Variants in INTS2 observed in about 807,000 individuals in gnomAD.
INTS2 encodes the protein integrator complex subunit 2.
A neutral mutation model predicts 139.6 loss-of-function variants in INTS2; 57 were observed. The observed-to-expected ratio is 0.41, with a 90% CI of 0.33 to 0.51. The LOEUF is 0.51. INTS2 is among the 20% of genes least tolerant of loss of function. The pLI, the probability that INTS2 is intolerant of heterozygous loss-of-function variation, is 0.28. For missense variants in INTS2, 1,196 were observed against 1,436.7 expected, an observed-to-expected ratio of 0.83 and a Z score of 2.71; for synonymous variants, 473 against 493.4, an observed-to-expected ratio of 0.96 and a Z score of 0.55.
intron 17 of INTS2, among the ~76,000 whole-genome samples, chr17:61,879,021 A>AT (rs984925617): frequency 5.7e-4 from 38 of 66,434 alleles, no homozygotes; most frequent in African/African-American, 1.2e-3. Flanking sequence ...TTTTTAATTT[A>AT]TTTTTTTTCA....
chr17:61,897,434 T>TC lies in INTS2; in HGVS notation c.1494+34_1494+35insG. Reference sequence around the variant, plus strand: ...ACAAAATGTCCAGCTTAGAAACACCTTTTTTTTTTTAGAAAGAAGTTAAAA... The same window carrying TC: ...ACAAAATGTCCAGCTTAGAAACACCTCTTTTTTTTTTAGAAAGAAGTTAAAA... On this transcript the variant is annotated intron_variant, in intron 11 of 24. Transcript: ENST00000251334. The surrounding 1 kb of genome is among the most constrained non-coding windows in gnomAD (Gnocchi z 4.4). The TC allele has an allele frequency of 1.9e-6, 1 of 538,474 alleles. No homozygotes were observed. Among genetic ancestry groups the TC allele is most frequent in the Non-Finnish European group, 2.7e-6 (1 of 370,142 alleles). 33.4% of individuals were successfully genotyped at this position (538,474 alleles called of 1,614,324 possible). A position where few individuals can be genotyped will look rare whatever the true frequency, so the allele number is the denominator to read the frequency against.
intron 9 of INTS2, among the ~76,000 whole-genome samples, chr17:61,902,684 G>A (rs2079418681): frequency 6.6e-6 from 1 of 151,730 alleles, no homozygotes; most frequent in South Asian, 2.1e-4. Context: ...GACTAGCCTG[G>A]GCAACACAGC....
chr17:61,890,627 T>C (rs1347843178), intron 14 of INTS2, among the ~76,000 whole-genome samples: 1 of 126,596 alleles, frequency 7.9e-6, no homozygotes, highest in African/African-American at 2.8e-5. Flanking sequence ...AAAAAAAAAA[T>C]CCCCCTAAAT....
At chr17:61,894,912 T>C (rs573582626) in intron 12 of INTS2, among the ~76,000 whole-genome samples, 237 of 152,072 alleles carry the variant, frequency 1.6e-3, no homozygotes, top group African/African-American at 5.5e-3. Flanking sequence ...AAGAAGAACA[T>C]GTTAAGTATA....
intron 11 of INTS2, among the ~76,000 whole-genome samples, chr17:61,895,692 A>G (rs1317300591): frequency 2.0e-5 from 3 of 152,098 alleles, no homozygotes; most frequent in Non-Finnish European, 4.4e-5. Context: ...GTGTGTGTGT[A>G]TGTGTGTGTC....
chr17:61,903,057 C>T (rs1216953016), intron 9 of INTS2, among the ~76,000 whole-genome samples: 1 of 147,746 alleles, frequency 6.8e-6, no homozygotes, highest in Admixed American at 6.8e-5. Flanking sequence ...CCCAGCTACT[C>T]GGGAGGCTGA....
Position 61,867,678 on chromosome 17 carries a change from T to G in INTS2, c.3470A>C (p.Lys1157Thr). The G allele has an allele frequency of 6.2e-7, 1 of 1,612,268 alleles. No individual in the cohort carries two copies. Among genetic ancestry groups the G allele is most frequent in the Non-Finnish European group, 8.5e-7 (1 of 1,178,808 alleles). The part of the protein sequence containing the change: ...EKPSGWSQIC[K>T]DSSYKNGSRD... ...GGATCCATTTTTATAAGATGAATCT[T>G]TACAGATTTGAGACCATCCACTTGG... Residue 1157 changes from lysine (K) to threonine (T), a missense_variant, in exon 25 of 25, where the codon AAA becomes ACA. Around this residue, in one of 3 missense-constraint regions of INTS2, gnomAD observed 1,129 missense variants for 1,341.9 expected, o/e 0.84. Transcript: ENST00000251334. The surrounding 1 kb of genome is among the most constrained non-coding windows in gnomAD (Gnocchi z 5.6).
chr17:61,924,313 C>T (rs575827975), intron 3 of INTS2, among the ~76,000 whole-genome samples: 6 of 152,198 alleles, frequency 3.9e-5, no homozygotes, highest in Admixed American at 3.3e-4. Flanking sequence ...GTATTATCTG[C>T]TAATAAATTT....
chr17:61,893,378 G>A lies in INTS2; in HGVS notation c.1698+387C>T, dbSNP rs554197138. On this transcript the variant is annotated intron_variant, in intron 13 of 24. Coordinates refer to ENST00000251334, the MANE Select transcript of INTS2 (RefSeq NM_001351695.2). The surrounding 1 kb of genome is among the most constrained non-coding windows in gnomAD (Gnocchi z 5.4). ...AAACTGAAATACAACTGGGGAGAAA[G>A]CATTAATTTAGGTTGTTCTTTGAAA... Among the ~76,000 whole-genome samples, 18 of 152,042 alleles carry A rather than the reference G, an allele frequency of 1.2e-4. No individual in the cohort carries two copies. Among genetic ancestry groups the A allele is most frequent in the Non-Finnish European group, 2.5e-4 (17 of 68,024 alleles).
intron 9 of INTS2, among the ~76,000 whole-genome samples, chr17:61,901,912 G>GAGCAA (rs2079410997): frequency 6.6e-6 from 1 of 151,966 alleles, no homozygotes; most frequent in Non-Finnish European, 1.5e-5. Flanking sequence ...TGCTCCTTCA[G>GAGCAA]AATGGGTATG....
chr17:61,896,252 C>CA lies in INTS2; in HGVS notation c.1495-870dup, dbSNP rs58993254. ...AAGACTCCATCTCAAAAAAAAAAAA[C>CA]AAAAAAAAAACATTTAATATACTAC... is the stretch of plus-strand genomic sequence containing the variant. On this transcript the variant is annotated intron_variant, in intron 11 of 24. Transcript: ENST00000251334. 2.7e-4 allele frequency among the ~76,000 whole-genome samples: 28 copies of CA among 104,404 alleles called. 1 individual carries two copies. The highest frequency in any genetic ancestry group is 4.5e-4 in the Non-Finnish European group (21 of 46,906). The allele number at this position is 104,404 out of a possible 152,430, so 68.5% of individuals were successfully genotyped here.
chr17:61,926,583 A>G lies in INTS2; in HGVS notation c.62T>C (p.Val21Ala). 2 of 1,612,732 alleles carry G rather than the reference A, an allele frequency of 1.2e-6. No homozygotes were observed. The highest frequency in any genetic ancestry group is 1.7e-6 in the Non-Finnish European group (2 of 1,179,268). Residue 21 changes from valine to alanine, a missense_variant, in exon 2 of 25, where the codon GTG (valine) becomes GCG (alanine). Val to Ala is a moderately conservative substitution (Grantham distance 64). Around this residue, in one of 3 missense-constraint regions of INTS2, gnomAD observed 36 missense variants for 30.1 expected, o/e 1.19. Transcript: ENST00000251334. ...TAAAGATGCCAGGCAAACAACATCC[A>G]CCTTCTGCATTGCCTCAAAAGCAAA... ...SPFAFEAMQK[V>A]DVVCLASLSD...
At position 61,867,358 on chromosome 17, in the gene INTS2, T is replaced by C. The variant is rs1287481891; in HGVS notation, c.*199A>G. On this transcript the variant is annotated 3_prime_UTR_variant, in exon 25 of 25. Transcript: ENST00000251334. The surrounding 1 kb of genome is among the most constrained non-coding windows in gnomAD (Gnocchi z 5.6). ...CTACAATAGAAACATATCAGCAAAG[T>C]AGATCCAAAGATGTGCCAATCAGAA... is the stretch of plus-strand genomic sequence containing the variant. 1.1e-5 allele frequency: 4 copies of C among 377,474 alleles called. No individual in the cohort carries two copies. The highest frequency in any genetic ancestry group is 8.0e-5 in the East Asian group (2 of 25,014). The allele number at this position is 377,474 out of a possible 1,614,324, so 23.4% of individuals were successfully genotyped here.
At chr17:61,920,486 CTTTT>C (rs1187583288) in intron 4 of INTS2, among the ~76,000 whole-genome samples, 1 of 106,504 alleles carries the variant, frequency 9.4e-6, no homozygotes, top group Non-Finnish European at 1.9e-5. Context: ...CTGGCCTATA[CTTTT>C]TTTTTTTTTT....
chr17:61,877,127 CCTT>C (rs1272992741), intron 18 of INTS2, among the ~76,000 whole-genome samples: 1 of 152,098 alleles, frequency 6.6e-6, no homozygotes, highest in African/African-American at 2.4e-5. Context: ...AGCTAACTAA[CCTT>C]CACCTTGTAG....
rs1280181912 is a variant in INTS2 at position 61,866,718 on chromosome 17, A to G, written c.*839T>C. 2 of 152,194 alleles carry G rather than the reference A, an allele frequency of 1.3e-5. No individual in the cohort carries two copies. The highest frequency in any genetic ancestry group is 2.4e-5 in the African/African-American group (1 of 41,454). The allele number at this position is 152,194 out of a possible 1,614,324, so 9.4% of individuals were successfully genotyped here. ...GCTCTACCTTCATTTAATTTGATAC[A>G]TATTTCCCCCCTCTGAGCATTAGGT... is the stretch of plus-strand genomic sequence containing the variant. On this transcript the variant is annotated 3_prime_UTR_variant, in exon 25 of 25. Transcript: ENST00000251334.
intron 12 of INTS2, among the ~76,000 whole-genome samples, chr17:61,894,487 A>G (rs1483890722): frequency 2.0e-5 from 3 of 152,184 alleles, no homozygotes; most frequent in African/African-American, 7.2e-5. Flanking sequence ...ATTCAGGAGT[A>G]TATGTGCATA....
chr17:61,925,408 G>T (rs377542020), intron 2 of INTS2, among the ~76,000 whole-genome samples: 1 of 150,698 alleles, frequency 6.6e-6, no homozygotes, highest in East Asian at 2.0e-4. Flanking sequence ...GTGAAACCTC[G>T]TCTCTACTAA....
chr17:61,914,975 G>A (rs1315903188), intron 5 of INTS2, among the ~76,000 whole-genome samples: 1 of 151,846 alleles, frequency 6.6e-6, no homozygotes, highest in Non-Finnish European at 1.5e-5. Flanking sequence ...AGGCCGAGGA[G>A]GACAGATCAC....
Sources: allele counts gnomAD v4.1 joint callset (sites outside exome capture counted in the v4.1 genomes callset), GRCh38; gene constraint gnomAD v4.1.1; regional missense constraint gnomAD v4.1.1; non-coding constraint Gnocchi (gnomAD v3.1); transcripts MANE v1.5; gene names NCBI Gene and HGNC (gene_info 2026-07-23, HGNC 2026-07-21).